TEAD1: variants seen among roughly 807,000 people sequenced by gnomAD.
TEAD1 encodes the protein TEA domain transcription factor 1.
A neutral mutation model predicts 54.9 loss-of-function variants in TEAD1; 9 were observed. The ratio of observed to expected loss-of-function variants is 0.16; its 90% CI spans 0.10 to 0.29. The LOEUF is 0.29. Ranked by LOEUF, TEAD1 falls within the 10% of genes least tolerant of loss-of-function variation. The pLI is 1.00. For missense variants in TEAD1, 387 were observed against 535.9 expected, an observed-to-expected ratio of 0.72 and a Z score of 2.74; for synonymous variants, 200 against 187.8, an observed-to-expected ratio of 1.07 and a Z score of -0.53.
intron 9 of TEAD1, among the ~76,000 whole-genome samples, chr11:12,889,069 T>C (rs891585891): frequency 3.9e-5 from 6 of 152,150 alleles, no homozygotes; most frequent in Admixed American, 3.9e-4. Context: ...TACTGGAAGC[T>C]AAGAGAAAAA....
At chr11:12,681,442 C>T (rs1943219703) in intron 2 of TEAD1, among the ~76,000 whole-genome samples, 1 of 152,120 alleles carries the variant, frequency 6.6e-6, no homozygotes, top group Non-Finnish European at 1.5e-5. Context: ...GGGAATGTGC[C>T]ATTTGTAATT....
At position 12,878,905 on chromosome 11, in the gene TEAD1, G is replaced by A. The variant is rs772992535; in HGVS notation, c.331-803G>A. On this transcript the variant is annotated intron_variant, in intron 5 of 12. Coordinates refer to ENST00000527636, the MANE Select transcript of TEAD1 (RefSeq NM_021961.6). ...TGTATCCAGGTAACAAGCATGGTAA[G>A]TATTTTCACCAAACTGAGTATTCTG... 11 of 1,287,288 alleles carry A rather than the reference G, an allele frequency of 8.5e-6. No individual in the cohort carries two copies. In the South Asian group the frequency reaches 1.4e-4, roughly 16 times the overall value. The allele number at this position is 1,287,288 out of a possible 1,614,324, so 79.7% of individuals were successfully genotyped here. A position where few individuals can be genotyped will look rare whatever the true frequency, so the allele number is the denominator to read the frequency against.
chr11:12,834,738 A>T (rs112419716), intron 3 of TEAD1, among the ~76,000 whole-genome samples: 1 of 14,854 alleles, frequency 6.7e-5, no homozygotes. Context: ...TTGGGATTAC[A>T]GAGGTTCACA....
chr11:12,933,097 G>C (rs184974709), intron 12 of TEAD1, among the ~76,000 whole-genome samples: 2 of 152,074 alleles, frequency 1.3e-5, no homozygotes, highest in African/African-American at 4.8e-5. Context: ...CTGTTGGTTC[G>C]CATGACAAAA....
intron 2 of TEAD1, among the ~76,000 whole-genome samples, chr11:12,749,413 C>A (rs1944817725): frequency 6.6e-6 from 1 of 152,314 alleles, no homozygotes; most frequent in East Asian, 1.9e-4. Flanking sequence ...GCCTGACACT[C>A]CGTCCACCTT....
chr11:12,779,758 G>A (rs1324084462), intron 3 of TEAD1, among the ~76,000 whole-genome samples: 3 of 152,194 alleles, frequency 2.0e-5, no homozygotes, highest in Non-Finnish European at 4.4e-5. Flanking sequence ...TCCCAGGAAT[G>A]CAAGGTCAGT....
chr11:12,870,538 A>G (rs1947723770), intron 5 of TEAD1, among the ~76,000 whole-genome samples: 1 of 151,672 alleles, frequency 6.6e-6, no homozygotes, highest in Non-Finnish European at 1.5e-5. Flanking sequence ...TTATACATTC[A>G]GAGTTGTGGG....
In TEAD1 at chr11:12,898,398, CTT is replaced by C. The variant is rs71313453; in HGVS notation, c.700-3529_700-3528del. On this transcript the variant is annotated intron_variant, in intron 9 of 12. Transcript: ENST00000527636. ...AGCTATAATTTATTGAACATGAACA[CTT>C]TTTTTTTTTTTTGAGACGGAGTATC... 3.9e-4 allele frequency among the ~76,000 whole-genome samples: 56 copies of C among 144,504 alleles called. 1 individual carries two copies. The South Asian group carries it at 0.01, about 26-fold the overall frequency. The allele number at this position is 144,504 out of a possible 152,430, so 94.8% of individuals were successfully genotyped here.
At position 12,901,873 on chromosome 11, in the gene TEAD1, C is replaced by G. The variant is rs1948431420; in HGVS notation, c.700-67C>G. The stretch of plus-strand genomic sequence containing the variant: ...TGGTACTACTGCTCTTTATCCAGTT[C>G]AAGATGGATGAGTTCCAGGTTGATC... On this transcript the variant is annotated intron_variant, in intron 9 of 12. Transcript: ENST00000527636. The G allele has an allele frequency of 3.7e-6, 6 of 1,602,240 alleles. No homozygotes were observed. In the South Asian group the frequency reaches 6.6e-5, roughly 18 times the overall value.
intron 3 of TEAD1, among the ~76,000 whole-genome samples, chr11:12,846,868 A>T (rs1037052648): frequency 5.3e-5 from 8 of 152,250 alleles, no homozygotes; most frequent in African/African-American, 1.7e-4. Flanking sequence ...TCATTCTGTT[A>T]GGGAACAAAA....
intron 10 of TEAD1, among the ~76,000 whole-genome samples, chr11:12,918,760 G>A (rs1467453370): frequency 6.6e-6 from 1 of 152,166 alleles, no homozygotes; most frequent in African/African-American, 2.4e-5. Flanking sequence ...CTAAGTAATA[G>A]GGTGGATAGA....
intron 2 of TEAD1, among the ~76,000 whole-genome samples, chr11:12,761,558 AG>A (rs1434683543): frequency 3.9e-5 from 6 of 152,210 alleles, no homozygotes; most frequent in African/African-American, 1.4e-4. Context: ...ACAACCTCTG[AG>A]GGGCAGGAGC....
At chr11:12,782,801 A>G (rs570603720) in intron 3 of TEAD1, among the ~76,000 whole-genome samples, 1 of 152,350 alleles carries the variant, frequency 6.6e-6, no homozygotes, top group South Asian at 2.1e-4. Flanking sequence ...AGAGTAGATG[A>G]ACATACAAGT....
At chr11:12,719,723 T>C (rs1197881065) in intron 2 of TEAD1, among the ~76,000 whole-genome samples, 1 of 151,682 alleles carries the variant, frequency 6.6e-6, no homozygotes, top group Admixed American at 6.6e-5. Flanking sequence ...GGACATGGGG[T>C]AGGGGTATTA....
intron 10 of TEAD1, among the ~76,000 whole-genome samples, chr11:12,909,942 C>CAT (rs1948588248): frequency 6.6e-5 from 10 of 152,178 alleles, no homozygotes; most frequent in Admixed American, 6.5e-4. Context: ...GTACTGGCAG[C>CAT]TAGTCATACT....
At chr11:12,821,346 T>C (rs1332448965) in intron 3 of TEAD1, among the ~76,000 whole-genome samples, 1 of 152,200 alleles carries the variant, frequency 6.6e-6, no homozygotes, top group African/African-American at 2.4e-5. Context: ...CCTGTTCTCC[T>C]CCCAAAACCT....
intron 8 of TEAD1, 128 bp downstream of exon 8, chr11:12,882,085 G>C (rs1054992272): frequency 4.1e-6 from 4 of 981,664 alleles, no homozygotes; most frequent in Non-Finnish European, 6.3e-6. Context: ...CTGACTTGCA[G>C]GATCCTTGGG....
chr11:12,860,850 A>G (rs1947484997), intron 3 of TEAD1, among the ~76,000 whole-genome samples: 1 of 152,066 alleles, frequency 6.6e-6, no homozygotes, highest in Non-Finnish European at 1.5e-5. Flanking sequence ...GGGGTGTAGA[A>G]CAAGGCAACC....
chr11:12,719,979 TTTTTTTTTTTTTTTTGG>T (rs1944156648), intron 2 of TEAD1, among the ~76,000 whole-genome samples: 1 of 55,954 alleles, frequency 1.8e-5, no homozygotes, highest in African/African-American at 1.9e-4. Flanking sequence ...TTTTTTTTTT[TTTTTTTTTTTTTTTTGG>T]GGGGGGACCC....
Sources: allele counts gnomAD v4.1 joint callset (sites outside exome capture counted in the v4.1 genomes callset), GRCh38; gene constraint gnomAD v4.1.1; transcripts MANE v1.5; gene names NCBI Gene and HGNC (gene_info 2026-07-23, HGNC 2026-07-21).